Variants in AKR1C8 observed in about 807,000 individuals in gnomAD.
The protein encoded by AKR1C8 is aldo-keto reductase family 1 member C8, also known as aldo-keto reductase family 1 member C-like protein 1.
the AKR1C8 span, among the ~76,000 whole-genome samples, chr10:5,137,981 G>C: frequency 6.6e-6 from 1 of 152,016 alleles, no homozygotes; most frequent in Non-Finnish European, 1.5e-5. Context: ...GAGGGAACAG[G>C]ACAAAGGGCA....
the AKR1C8 span, among the ~76,000 whole-genome samples, chr10:5,165,238 AAC>A: frequency 6.6e-6 from 1 of 152,172 alleles, no homozygotes; most frequent in East Asian, 1.9e-4. Context: ...AATGAATTTT[AAC>A]AGTTTCTTTA....
At chr10:5,163,009 G>C in the AKR1C8 span, 1 of 533,950 alleles carries the variant, frequency 1.9e-6, no homozygotes, top group South Asian at 1.4e-5. Flanking sequence ...CGGCAGCCTG[G>C]CTTTTGGGAG....
At chr10:5,115,977 C>G in the AKR1C8 span, among the ~76,000 whole-genome samples, 1 of 152,070 alleles carries the variant, frequency 6.6e-6, no homozygotes, top group Non-Finnish European at 1.5e-5. Context: ...CTATGTATAC[C>G]TGATATACAA....
At chr10:5,120,080 A>G in the AKR1C8 span, among the ~76,000 whole-genome samples, 5 of 152,218 alleles carry the variant, frequency 3.3e-5, no homozygotes, top group Non-Finnish European at 4.4e-5. Flanking sequence ...GGCAAGGAAC[A>G]GCTGGCCCAC....
the AKR1C8 span, among the ~76,000 whole-genome samples, chr10:5,133,472 G>T: frequency 1.3e-5 from 2 of 152,126 alleles, no homozygotes; most frequent in Non-Finnish European, 2.9e-5. Flanking sequence ...TACAGTGCAA[G>T]TTCCTATGAT....
At chr10:5,172,774 A>G in the AKR1C8 span, among the ~76,000 whole-genome samples, 1 of 152,120 alleles carries the variant, frequency 6.6e-6, no homozygotes, top group Non-Finnish European at 1.5e-5. Context: ...TTTTTTCTTA[A>G]AAATATTTAA....
the AKR1C8 span, among the ~76,000 whole-genome samples, chr10:5,124,505 A>G: frequency 6.6e-6 from 1 of 152,178 alleles, no homozygotes; most frequent in Non-Finnish European, 1.5e-5. Flanking sequence ...TAAAGTCAGA[A>G]TAATAAAACT....
the AKR1C8 span, chr10:5,157,628 C>A: frequency 2.3e-5 from 11 of 470,628 alleles, no homozygotes; most frequent in Non-Finnish European, 4.9e-5. Context: ...CTCTGCTCAA[C>A]CTTTACCTGG....
At chr10:5,170,672 CTGTAG>C in the AKR1C8 span, among the ~76,000 whole-genome samples, 1 of 152,080 alleles carries the variant, frequency 6.6e-6, no homozygotes, top group Non-Finnish European at 1.5e-5. Context: ...TACAGGGACT[CTGTAG>C]ACAAAATATG....
chr10:5,157,586 C>A, the AKR1C8 span: 1 of 442,836 alleles, frequency 2.3e-6, no homozygotes, highest in Non-Finnish European at 4.7e-6. Context: ...AGAGATCGCC[C>A]AGATCAGCAC....
At chr10:5,178,329 A>G in the AKR1C8 span, among the ~76,000 whole-genome samples, 1 of 152,156 alleles carries the variant, frequency 6.6e-6, no homozygotes, top group East Asian at 1.9e-4. Flanking sequence ...GTTTGATTGC[A>G]CTGTGGTCTG....
At chr10:5,154,042 C>G in the AKR1C8 span, 1 of 344,910 alleles carries the variant, frequency 2.9e-6, no homozygotes. Flanking sequence ...CAACCTGCAA[C>G]TACAGATCCT....
the AKR1C8 span, among the ~76,000 whole-genome samples, chr10:5,144,696 C>T: frequency 3.3e-5 from 5 of 152,108 alleles, no homozygotes; most frequent in Non-Finnish European, 7.3e-5. Context: ...TATAAGAATG[C>T]TTGTGATATT....
the AKR1C8 span, among the ~76,000 whole-genome samples, chr10:5,173,013 A>G: frequency 6.6e-6 from 1 of 152,290 alleles, no homozygotes; most frequent in East Asian, 1.9e-4. Context: ...ACAAAGGCAG[A>G]TTTTGAGAGA....
chr10:5,156,672 G>A, the AKR1C8 span, among the ~76,000 whole-genome samples: 1 of 152,050 alleles, frequency 6.6e-6, no homozygotes, highest in Admixed American at 6.6e-5. Context: ...CATGAGAGCA[G>A]GTATTAACAT....
chr10:5,123,379 C>A, the AKR1C8 span: 1 of 323,550 alleles, frequency 3.1e-6, no homozygotes. Flanking sequence ...ATCACTTGTG[C>A]ATTTTTGCCA....
the AKR1C8 span, among the ~76,000 whole-genome samples, chr10:5,152,528 T>G: frequency 6.6e-6 from 1 of 152,168 alleles, no homozygotes; most frequent in African/African-American, 2.4e-5. Context: ...CATTGCAATT[T>G]AAAAATACTT....
At chr10:5,163,984 T>C in the AKR1C8 span, among the ~76,000 whole-genome samples, 1 of 152,172 alleles carries the variant, frequency 6.6e-6, no homozygotes, top group African/African-American at 2.4e-5. Context: ...CTCTTCTCCT[T>C]TTGTGGACGT....
chr10:5,144,704 A>T, the AKR1C8 span, among the ~76,000 whole-genome samples: 4 of 151,976 alleles, frequency 2.6e-5, no homozygotes, highest in Non-Finnish European at 5.9e-5. Flanking sequence ...TGCTTGTGAT[A>T]TTTGTACATT....
Sources: allele counts gnomAD v4.1 joint callset (sites outside exome capture counted in the v4.1 genomes callset), GRCh38; gene constraint gnomAD v4.1.1; transcripts MANE v1.5; gene names NCBI Gene and HGNC (gene_info 2026-07-23, HGNC 2026-07-21).